The following OR2M3 variants were observed in gnomAD, a reference collection of about 807,000 sequenced individuals.
OR2M3 encodes olfactory receptor family 2 subfamily M member 3.
A neutral mutation model predicts 4.3 loss-of-function variants in OR2M3; 1 was observed. The ratio of observed to expected loss-of-function variants is 0.23; its 90% CI spans 0.08 to 1.11. The LOEUF is 1.11. Among genes scored for constraint, OR2M3 ranks in the 50% most tolerant of loss-of-function variants. The probability of loss-of-function intolerance (pLI) is 0.54; values close to 1 mark genes in which losing one functional copy is unlikely to be tolerated. For synonymous variants in OR2M3, 151 were observed against 139.4 expected (o/e 1.08, Z -0.59); for missense variants, 410 against 390.4 (o/e 1.05, Z -0.42).
Position 248,203,423 on chromosome 1 carries a change from C to T in OR2M3, c.356C>T (p.Ala119Val). Residue 119 changes from alanine (A) to valine (V), a missense_variant, in exon 2 of 2, where the codon GCT becomes GTT. Coordinates refer to ENST00000641626, the MANE Select transcript of OR2M3 (RefSeq NM_001004689.2). ...GSECFLLAVMAYDRYTAICHP... is the reference protein window; with the variant it reads ...GSECFLLAVMVYDRYTAICHP... ...GAGTGCTTTCTTTTGGCTGTTATGG[C>T]TTATGACCGCTACACTGCCATTTGC... The T allele has an allele frequency of 6.2e-7, 1 of 1,613,958 alleles. No individual in the cohort carries two copies.
Position 248,204,309 on chromosome 1 carries a change from G to A in OR2M3, c.*303G>A. On this transcript the variant is annotated 3_prime_UTR_variant, in exon 2 of 2. Transcript: ENST00000641626. ...TTTGGTTTTATGAATAAGTTCTTTA[G>A]TGATGATTTCTGAGATTTTGGTGCA... The A allele has an allele frequency of 8.8e-6, 2 of 226,182 alleles. No individual in the cohort carries two copies. The highest frequency in any genetic ancestry group is 7.4e-5 in the South Asian group (1 of 13,440). The allele number at this position is 226,182 out of a possible 1,614,324, so 14.0% of individuals were successfully genotyped here.
At position 248,204,650 on chromosome 1, in the gene OR2M3, CA is replaced by C. The variant is rs1183859446; in HGVS notation, c.*645del. ...ATATATACGTATATATATACACACA[CA>C]CATATATATATATAACCTTTTCTTT... is the stretch of plus-strand genomic sequence containing the variant. On this transcript the variant is annotated 3_prime_UTR_variant, in exon 2 of 2. Coordinates refer to ENST00000641626, the MANE Select transcript of OR2M3 (RefSeq NM_001004689.2). The C allele has an allele frequency of 6.6e-6, 1 of 151,070 alleles. No individual in the cohort carries two copies. Among genetic ancestry groups the C allele is most frequent in the Non-Finnish European group, 1.5e-5 (1 of 67,904 alleles). 9.4% of individuals were successfully genotyped at this position (151,070 alleles called of 1,614,324 possible). A position where few individuals can be genotyped will look rare whatever the true frequency, so the allele number is the denominator to read the frequency against.
intron 1 of OR2M3, among the ~76,000 whole-genome samples, chr1:248,201,817 A>C (rs1572791112): frequency 6.6e-6 from 1 of 152,060 alleles, no homozygotes; most frequent in Non-Finnish European, 1.5e-5. Flanking sequence ...GGCTGCATTT[A>C]TCCTCTTATA....
Position 248,209,535 on chromosome 1 carries a change from A to C in OR2M3, c.*5529A>C, listed in dbSNP as rs998593381. On this transcript the variant is annotated 3_prime_UTR_variant, in exon 2 of 2. Transcript: ENST00000641626. ...CTCGATGTGGTGTTCTCATTCCCCT[A>C]GGAATGAGGCTTCCTGAGAGCCAAA... The C allele has an allele frequency of 6.6e-6, 1 of 152,138 alleles. No individual in the cohort carries two copies. Among genetic ancestry groups the C allele is most frequent in the African/African-American group, 2.4e-5 (1 of 41,420 alleles). 9.4% of individuals were successfully genotyped at this position (152,138 alleles called of 1,614,324 possible).
chr1:248,203,398 G>A lies in OR2M3; in HGVS notation c.331G>A (p.Glu111Lys). The change falls in exon 2 of 2, where the codon GAG (glutamate) becomes AAG (lysine). Residue 111 changes from glutamate to lysine, a missense_variant. Glu to Lys is a moderately conservative substitution (Grantham distance 56). Transcript: ENST00000641626. The stretch of plus-strand genomic sequence containing the variant: ...CTTCTATACATCACTGCTTGGCTCT[G>A]AGTGCTTTCTTTTGGCTGTTATGGC... Reference protein sequence around the residue: ...IFFYTSLLGSECFLLAVMAYD... With the variant: ...IFFYTSLLGSKCFLLAVMAYD... The A allele has an allele frequency of 6.2e-7, 1 of 1,614,048 alleles. No homozygotes were observed. Among genetic ancestry groups the A allele is most frequent in the Non-Finnish European group, 8.5e-7 (1 of 1,179,998 alleles).
rs900443953 is a variant in OR2M3, at chr1:248,212,112, C to G, written c.*8106C>G. On this transcript the variant is annotated 3_prime_UTR_variant, in exon 2 of 2. Transcript: ENST00000641626. The stretch of plus-strand genomic sequence containing the variant: ...ATTTCCACAGTGGCTCAAAGTAATA[C>G]ATAAAGAGAATAACATTTAGACTTT... 5.3e-5 allele frequency: 8 copies of G among 152,094 alleles called. No homozygotes were observed. The highest frequency in any genetic ancestry group is 1.5e-5 in the Non-Finnish European group (1 of 67,994). 9.4% of individuals were successfully genotyped at this position (152,094 alleles called of 1,614,324 possible). A position where few individuals can be genotyped will look rare whatever the true frequency, so the allele number is the denominator to read the frequency against.
intron 1 of OR2M3, among the ~76,000 whole-genome samples, chr1:248,202,471 G>A (rs1021878098): frequency 1.3e-5 from 2 of 151,974 alleles, no homozygotes; most frequent in African/African-American, 4.8e-5. Context: ...ACTGGGCTAT[G>A]GAAAAAATGG....
At position 248,203,583 on chromosome 1, in the gene OR2M3, G is replaced by A; in HGVS notation, c.516G>A (p.Arg172=). 1 of 1,613,638 alleles carries A rather than the reference G, an allele frequency of 6.2e-7. No homozygotes were observed. The highest frequency in any genetic ancestry group is 8.5e-7 in the Non-Finnish European group (1 of 1,179,794). Residue 172 remains arginine (R), a synonymous_variant, in exon 2 of 2, where the codon CGG becomes CGA. Coordinates refer to ENST00000641626, the MANE Select transcript of OR2M3 (RefSeq NM_001004689.2). Reference sequence around the variant, plus strand: ...TTTCCTTCTCCTACTGTGGGTCTCGGGAAATAGCCCACTTCTTCTGTGACT... The same window carrying A: ...TTTCCTTCTCCTACTGTGGGTCTCGAGAAATAGCCCACTTCTTCTGTGACT... ...ATFSFSYCGS[R]EIAHFFCDFP...
chr1:248,203,696 C>T lies in OR2M3; in HGVS notation c.629C>T (p.Pro210Leu). Residue 210 changes from proline to leucine, a missense_variant, in exon 2 of 2, where the codon CCT becomes CTT. By Grantham distance (98) the Pro-to-Leu change is moderately conservative (BLOSUM62 -3). Coordinates refer to ENST00000641626, the MANE Select transcript of OR2M3 (RefSeq NM_001004689.2). ...FICCIVMIVF[P>L]VAIIIASYAR... Reference sequence around the variant, plus strand: ...TGCTGTATAGTAATGATTGTTTTCCCTGTTGCAATCATCATTGCTTCCTAT... The same window carrying T: ...TGCTGTATAGTAATGATTGTTTTCCTTGTTGCAATCATCATTGCTTCCTAT... 1.2e-6 allele frequency: 2 copies of T among 1,613,066 alleles called. No homozygotes were observed. The highest frequency in any genetic ancestry group is 2.2e-5 in the South Asian group (2 of 91,030).
At position 248,209,385 on chromosome 1, in the gene OR2M3, A is replaced by C. The variant is rs1416630713; in HGVS notation, c.*5379A>C. On this transcript the variant is annotated 3_prime_UTR_variant, in exon 2 of 2. Transcript: ENST00000641626. ...TGTGATCTTTTGGGGGTATTACAGA[A>C]CCTTGTTTTATCATATTACAGAATT... The C allele has an allele frequency of 6.6e-6, 1 of 151,998 alleles. No individual in the cohort carries two copies. The highest frequency in any genetic ancestry group is 1.9e-4 in the East Asian group (1 of 5,186). The allele number at this position is 151,998 out of a possible 1,614,324, so 9.4% of individuals were successfully genotyped here.
rs1666211297 is a variant in OR2M3, at chr1:248,205,105, A to C, written c.*1099A>C. The stretch of plus-strand genomic sequence containing the variant: ...ATATATCTCCTTTTGAGAATTGTCT[A>C]TTCATGTCCTAGGCCCACTTTTTGA... On this transcript the variant is annotated 3_prime_UTR_variant, in exon 2 of 2. Coordinates refer to ENST00000641626, the MANE Select transcript of OR2M3 (RefSeq NM_001004689.2). 1 of 151,860 alleles carries C rather than the reference A, an allele frequency of 6.6e-6. No homozygotes were observed. Among genetic ancestry groups the C allele is most frequent in the Non-Finnish European group, 1.5e-5 (1 of 67,928 alleles). 9.4% of individuals were successfully genotyped at this position (151,860 alleles called of 1,614,324 possible). A position where few individuals can be genotyped will look rare whatever the true frequency, so the allele number is the denominator to read the frequency against.
rs981195546 is a variant in OR2M3 at position 248,208,514 on chromosome 1, G to C, written c.*4508G>C. 1 of 152,134 alleles carries C rather than the reference G, an allele frequency of 6.6e-6. No homozygotes were observed. The highest frequency in any genetic ancestry group is 2.4e-5 in the African/African-American group (1 of 41,426). 9.4% of individuals were successfully genotyped at this position (152,134 alleles called of 1,614,324 possible). A position where few individuals can be genotyped will look rare whatever the true frequency, so the allele number is the denominator to read the frequency against. The stretch of plus-strand genomic sequence containing the variant: ...TCAGCAGTTCTTGTTGTGCAGGCTT[G>C]ATAGTGTTGAATTCTCTCAGCATTT... On this transcript the variant is annotated 3_prime_UTR_variant, in exon 2 of 2. Transcript: ENST00000641626.
At position 248,203,899 on chromosome 1, in the gene OR2M3, T is replaced by C; in HGVS notation, c.832T>C (p.Tyr278His). ...ACAGGACAAGATGGTGTCTGTATTCTACACCATCCTCACTCCCATGTTGAA... is the reference window on the plus strand; with the variant it reads ...ACAGGACAAGATGGTGTCTGTATTCCACACCATCCTCACTCCCATGTTGAA... ...PTQDKMVSVF[Y>H]TILTPMLNPL... Residue 278 changes from tyrosine (Y) to histidine (H), a missense_variant, in exon 2 of 2, where the codon TAC (tyrosine) becomes CAC (histidine). By Grantham distance (83) the Tyr-to-His change is moderately conservative. Transcript: ENST00000641626. 2 of 1,613,930 alleles carry C rather than the reference T, an allele frequency of 1.2e-6. No individual in the cohort carries two copies. The highest frequency in any genetic ancestry group is 2.7e-5 in the African/African-American group (2 of 75,012).
In OR2M3 at chr1:248,203,566, T is replaced by C; in HGVS notation, c.499T>C (p.Ser167Pro). Residue 167 changes from serine to proline, a missense_variant, in exon 2 of 2, where the codon TCC (serine) becomes CCC (proline). Coordinates refer to ENST00000641626, the MANE Select transcript of OR2M3 (RefSeq NM_001004689.2). ...IIDVVATFSF[S>P]YCGSREIAHF... The stretch of plus-strand genomic sequence containing the variant: ...TGATGTTGTAGCAACATTTTCCTTC[T>C]CCTACTGTGGGTCTCGGGAAATAGC... 6.2e-7 allele frequency: 1 copy of C among 1,613,792 alleles called. No individual in the cohort carries two copies. The highest frequency in any genetic ancestry group is 1.7e-5 in the Admixed American group (1 of 59,984).
chr1:248,199,443 T>C (rs966899878), intron 1 of OR2M3, among the ~76,000 whole-genome samples: 4 of 152,030 alleles, frequency 2.6e-5, no homozygotes, highest in African/African-American at 9.7e-5. Flanking sequence ...TCGCCACAGG[T>C]CCATTTTTAT....
chr1:248,207,362 G>A lies in OR2M3; in HGVS notation c.*3356G>A, dbSNP rs1300633492. The A allele has an allele frequency of 6.6e-6, 1 of 151,838 alleles. No homozygotes were observed. The highest frequency in any genetic ancestry group is 1.5e-5 in the Non-Finnish European group (1 of 67,930). The allele number at this position is 151,838 out of a possible 1,614,324, so 9.4% of individuals were successfully genotyped here. On this transcript the variant is annotated 3_prime_UTR_variant, in exon 2 of 2. Coordinates refer to ENST00000641626, the MANE Select transcript of OR2M3 (RefSeq NM_001004689.2). ...CTTCTTCTGGGTTTGGGTTTGGATT[G>A]TTCTTGTTTCTCCTGTTCTGTGAGG...
intron 1 of OR2M3, among the ~76,000 whole-genome samples, chr1:248,200,257 C>A (rs1347045732): frequency 1.3e-5 from 2 of 152,032 alleles, no homozygotes; most frequent in African/African-American, 2.4e-5. Context: ...ACTGGGAAGG[C>A]TATGGTATAA....
In OR2M3 at chr1:248,212,436, G is replaced by A. The variant is rs944453942; in HGVS notation, c.*8430G>A. On this transcript the variant is annotated 3_prime_UTR_variant, in exon 2 of 2. Coordinates refer to ENST00000641626, the MANE Select transcript of OR2M3 (RefSeq NM_001004689.2). ...TGTAAAACCTGCTTCTAAATATAAT[G>A]TACTTTTTATTAAGATAGATTCATT... The A allele has an allele frequency of 6.6e-6, 1 of 151,890 alleles. No individual in the cohort carries two copies. Among genetic ancestry groups the A allele is most frequent in the Non-Finnish European group, 1.5e-5 (1 of 67,920 alleles). The allele number at this position is 151,890 out of a possible 1,614,324, so 9.4% of individuals were successfully genotyped here. A position where few individuals can be genotyped will look rare whatever the true frequency, so the allele number is the denominator to read the frequency against.
rs1366488067 is a variant in OR2M3 at position 248,203,250 on chromosome 1, C to T, written c.183C>T (p.Leu61=). Residue 61 remains leucine, a synonymous_variant, in exon 2 of 2, where the codon CTC becomes CTT. Transcript: ENST00000641626. The part of the protein sequence containing the change: ...LDTQLHTPMY[L]LLSQLSLMDL... ...CCCAGCTCCACACCCCCATGTACCTCCTCCTCAGCCAACTGTCCCTCATGG... is the reference window on the plus strand; with the variant it reads ...CCCAGCTCCACACCCCCATGTACCTTCTCCTCAGCCAACTGTCCCTCATGG... 1 of 1,613,984 alleles carries T rather than the reference C, an allele frequency of 6.2e-7. No homozygotes were observed. Among genetic ancestry groups the T allele is most frequent in the East Asian group, 2.2e-5 (1 of 44,892 alleles).
Sources: gnomAD v4.1 joint callset for allele counts (sites outside exome capture counted in the v4.1 genomes callset) on GRCh38, gnomAD v4.1.1 for gene constraint, MANE v1.5 for transcripts, NCBI Gene and HGNC (gene_info 2026-07-23, HGNC 2026-07-21) for gene names.